The following SDK1 variants were observed in gnomAD, a reference collection of about 807,000 sequenced individuals.
SDK1 encodes the protein protein sidekick-1.
A neutral mutation model predicts 245.5 loss-of-function variants in SDK1; 157 were observed. The observed-to-expected ratio is 0.64, with a 90% CI of 0.56 to 0.73. SDK1 has a LOEUF of 0.73. SDK1 is among the 30% of genes least tolerant of loss of function. The pLI, the probability that SDK1 is intolerant of heterozygous loss-of-function variation, is 0.00. For missense variants in SDK1, 3,583 were observed against 3,002.3 expected (o/e 1.19, Z -4.52); for synonymous variants, 1,647 against 1,278.5 (o/e 1.29, Z -6.15).
rs1783098026 is a variant in SDK1, at chr7:3,525,525, C to CA, written c.299-93553dup. Among the ~76,000 whole-genome samples the CA allele has an allele frequency of 1.3e-5, 2 of 152,114 alleles. 1 individual carries two copies. The highest frequency in any genetic ancestry group is 4.1e-4 in the South Asian group (2 of 4,828). On this transcript the variant is annotated intron_variant, in intron 1 of 44. Transcript: ENST00000404826. The stretch of plus-strand genomic sequence containing the variant: ...TGAACTCGGCATCTCCCAGCACCAC[C>CA]AACCTGGAAAGTGTTTTTGGTAGGT...
At chr7:3,377,233 G>T (rs1449660007) in intron 1 of SDK1, among the ~76,000 whole-genome samples, 7 of 152,170 alleles carry the variant, frequency 4.6e-5, no homozygotes, top group African/African-American at 1.4e-4. Context: ...TTGTGGCTGT[G>T]TGTCTTCATC....
intron 40 of SDK1, among the ~76,000 whole-genome samples, chr7:4,232,056 T>TC (rs1376443219): frequency 6.6e-6 from 1 of 151,616 alleles, no homozygotes; most frequent in Non-Finnish European, 1.5e-5. Flanking sequence ...TTTTTTTTTT[T>TC]TTTTTTTAAC....
At chr7:3,521,703 T>A (rs1328093363) in intron 1 of SDK1, among the ~76,000 whole-genome samples, 2 of 152,142 alleles carry the variant, frequency 1.3e-5, no homozygotes, top group Non-Finnish European at 2.9e-5. Context: ...GGGGAAGAAC[T>A]TGATCAACTT....
chr7:3,420,452 G>C (rs942811899), intron 1 of SDK1, among the ~76,000 whole-genome samples: 4 of 152,128 alleles, frequency 2.6e-5, no homozygotes, highest in African/African-American at 9.7e-5. Context: ...ATATGAAAGA[G>C]ATACCTAAAT....
Position 3,862,046 on chromosome 7 carries a change from G to A in SDK1, c.847+40463G>A, listed in dbSNP as rs1020310890. Among the ~76,000 whole-genome samples, 7 of 152,176 alleles carry A rather than the reference G, an allele frequency of 4.6e-5. No homozygotes were observed. The South Asian group carries it at 6.2e-4, about 13-fold the overall frequency. On this transcript the variant is annotated intron_variant, in intron 5 of 44. Transcript: ENST00000404826. ...TGTGTATAAATGTTTCCCAGAGCAC[G>A]GTTTGAAAAAGCTCCTTGCCAATGG...
In SDK1 at chr7:4,173,623, G is replaced by A. The variant is rs1487242547; in HGVS notation, c.4801-599G>A. Among the ~76,000 whole-genome samples the A allele has an allele frequency of 2.0e-5, 3 of 152,330 alleles. 1 individual carries two copies. Among genetic ancestry groups the A allele is most frequent in the Non-Finnish European group, 1.5e-5 (1 of 68,036 alleles). ...AGGGTGAGAGCTGGATGGCAAGGGT[G>A]TATTGTTTGCCTGGGGCAGCTGAAG... On this transcript the variant is annotated intron_variant, in intron 32 of 44. Coordinates refer to ENST00000404826, the MANE Select transcript of SDK1 (RefSeq NM_152744.4).
At chr7:3,626,140 A>C (rs566850910) in intron 2 of SDK1, among the ~76,000 whole-genome samples, 1 of 151,030 alleles carries the variant, frequency 6.6e-6, no homozygotes, top group Admixed American at 6.6e-5. Context: ...GGGTCTTGCT[A>C]TGTTGCCCAG....
intron 1 of SDK1, among the ~76,000 whole-genome samples, chr7:3,581,900 A>G (rs1401727261): frequency 2.0e-5 from 3 of 152,250 alleles, no homozygotes; most frequent in Admixed American, 2.0e-4. Flanking sequence ...ACAGGAACAG[A>G]AAACCAAATA....
intron 22 of SDK1, among the ~76,000 whole-genome samples, chr7:4,106,573 G>C (rs1198165795): frequency 6.6e-6 from 1 of 152,172 alleles, no homozygotes; most frequent in African/African-American, 2.4e-5. Context: ...TGGGATTACA[G>C]GCGTGAGCCA....
chr7:3,495,288 C>T (rs1032264890), intron 1 of SDK1, among the ~76,000 whole-genome samples: 20 of 129,892 alleles, frequency 1.5e-4, no homozygotes, highest in South Asian at 9.7e-4. Context: ...AGCGGAGTCT[C>T]GCTCTGCCAC....
At chr7:3,959,647 T>C in intron 8 of SDK1, among the ~76,000 whole-genome samples, 1 of 152,214 alleles carries the variant, frequency 6.6e-6, no homozygotes, top group East Asian at 1.9e-4. Context: ...TAGCACCCAC[T>C]TATTAGTGAG....
chr7:4,098,565 A>G lies in SDK1; in HGVS notation c.3325-12098A>G, dbSNP rs575608104. On this transcript the variant is annotated intron_variant, in intron 22 of 44. Coordinates refer to ENST00000404826, the MANE Select transcript of SDK1 (RefSeq NM_152744.4). ...TATTGTTCCAGGTATCGTGCTACAG[A>G]TTAGATTACTAAGGTCAAAACCTTT... 2.3e-4 allele frequency among the ~76,000 whole-genome samples: 35 copies of G among 152,218 alleles called. No homozygotes were observed. In the South Asian group the frequency reaches 6.7e-3, roughly 29 times the overall value.
chr7:3,893,439 G>A (rs1781512282), intron 5 of SDK1, among the ~76,000 whole-genome samples: 1 of 152,000 alleles, frequency 6.6e-6, no homozygotes, highest in Non-Finnish European at 1.5e-5. Context: ...GGATAAATGA[G>A]CCGGTGCATG....
intron 17 of SDK1, among the ~76,000 whole-genome samples, chr7:4,034,595 C>T (rs985631473): frequency 6.6e-6 from 1 of 152,022 alleles, no homozygotes; most frequent in Admixed American, 6.5e-5. Context: ...CAAACTGATG[C>T]AGCCCCTGAA....
intron 1 of SDK1, among the ~76,000 whole-genome samples, chr7:3,565,977 A>T (rs1437207157): frequency 6.6e-6 from 1 of 152,218 alleles, no homozygotes; most frequent in Non-Finnish European, 1.5e-5. Flanking sequence ...CCAATTAAAA[A>T]TGAATAAAAA....
At chr7:3,353,556 G>A (rs1300752122) in intron 1 of SDK1, among the ~76,000 whole-genome samples, 2 of 152,144 alleles carry the variant, frequency 1.3e-5, no homozygotes, top group Non-Finnish European at 2.9e-5. Flanking sequence ...GCTCTTTTTA[G>A]TAGTGCCCTG....
intron 38 of SDK1, among the ~76,000 whole-genome samples, chr7:4,217,937 A>G (rs1037277957): frequency 5.3e-5 from 8 of 152,142 alleles, no homozygotes; most frequent in Non-Finnish European, 1.2e-4. Context: ...TGAAAAAAAA[A>G]GTTGCTCTCT....
chr7:3,570,293 G>C (rs577210123), intron 1 of SDK1, among the ~76,000 whole-genome samples: 1 of 152,302 alleles, frequency 6.6e-6, no homozygotes, highest in East Asian at 1.9e-4. Flanking sequence ...CTCATAAGGA[G>C]TGTGCACCCT....
intron 1 of SDK1, among the ~76,000 whole-genome samples, chr7:3,536,407 G>A (rs1006777746): frequency 1.3e-5 from 2 of 152,036 alleles, no homozygotes; most frequent in African/African-American, 2.4e-5. Context: ...CATGGGGCTC[G>A]TTGGCTCATG....
Sources: gnomAD v4.1 joint callset for allele counts (sites outside exome capture counted in the v4.1 genomes callset) on GRCh38, gnomAD v4.1.1 for gene constraint, MANE v1.5 for transcripts, NCBI Gene and HGNC (gene_info 2026-07-23, HGNC 2026-07-21) for gene names.